The following ZNF804B variants were observed in gnomAD, a reference collection of about 807,000 sequenced individuals.
ZNF804B encodes zinc finger 804B.
In ZNF804B, 80 loss-of-function variants were observed where a neutral mutation model predicts 101.4. That is an observed-to-expected ratio of 0.79 (90% CI 0.66 to 0.95). ZNF804B has a LOEUF of 0.95. Among genes scored for constraint, ZNF804B ranks in the 40% least tolerant of loss-of-function variants. The probability of loss-of-function intolerance (pLI) is 0.00; values close to 1 mark genes in which losing one functional copy is unlikely to be tolerated. For synonymous variants in ZNF804B, 622 were observed against 558.8 expected, an observed-to-expected ratio of 1.11 and a Z score of -1.59; for missense variants, 1,673 against 1,561.9, an observed-to-expected ratio of 1.07 and a Z score of -1.20.
chr7:88,883,082 T>A (rs1292885191), intron 1 of ZNF804B, among the ~76,000 whole-genome samples: 1 of 151,962 alleles, frequency 6.6e-6, no homozygotes, highest in Non-Finnish European at 1.5e-5. Flanking sequence ...AAGAAAAAAA[T>A]TTTAAAAAAA....
rs1790890794 is a variant in ZNF804B, at chr7:88,817,034, A to G, written c.108+56950A>G. Reference sequence around the variant, plus strand: ...TAAGAAAATGTGGCACATATACACCATGGAATACTATGCAGCCATAAAAAA... The same window carrying G: ...TAAGAAAATGTGGCACATATACACCGTGGAATACTATGCAGCCATAAAAAA... On this transcript the variant is annotated intron_variant, in intron 1 of 3. Coordinates refer to ENST00000333190, the MANE Select transcript of ZNF804B (RefSeq NM_181646.5). Among the ~76,000 whole-genome samples, 3 of 152,130 alleles carry G rather than the reference A, an allele frequency of 2.0e-5. No homozygotes were observed. In the South Asian group the frequency reaches 6.2e-4, roughly 32 times the overall value.
At chr7:88,931,611 C>T (rs1386959123) in intron 1 of ZNF804B, among the ~76,000 whole-genome samples, 11 of 151,884 alleles carry the variant, frequency 7.2e-5, no homozygotes, top group African/African-American at 2.2e-4. Flanking sequence ...AACATCTTAA[C>T]GGCTCTGACT....
intron 1 of ZNF804B, among the ~76,000 whole-genome samples, chr7:89,166,281 C>A (rs7810631): frequency 0.2 from 31,065 of 152,102 alleles, 3,394 homozygotes; most frequent in Middle Eastern, 0.39. Context: ...GTTAGGGGCA[C>A]CAAACCCCTG....
At chr7:88,777,476 T>C (rs1790161353) in intron 1 of ZNF804B, among the ~76,000 whole-genome samples, 1 of 152,064 alleles carries the variant, frequency 6.6e-6, no homozygotes, top group Admixed American at 6.6e-5. Context: ...CAGAGTAAAG[T>C]TGAAAGAGTG....
intron 1 of ZNF804B, among the ~76,000 whole-genome samples, chr7:88,880,193 G>A (rs1792011694): frequency 6.6e-6 from 1 of 152,158 alleles, no homozygotes; most frequent in South Asian, 2.1e-4. Flanking sequence ...TGCTAGCAGA[G>A]TCAAGGGAAA....
intron 1 of ZNF804B, among the ~76,000 whole-genome samples, chr7:88,800,276 T>C: frequency 6.6e-6 from 1 of 151,722 alleles, no homozygotes; most frequent in East Asian, 1.9e-4. Flanking sequence ...AAAAAGACAT[T>C]CCCCCTCCAA....
At chr7:88,924,094 C>A (rs1226145969) in intron 1 of ZNF804B, among the ~76,000 whole-genome samples, 1 of 151,996 alleles carries the variant, frequency 6.6e-6, no homozygotes, top group African/African-American at 2.4e-5. Context: ...GTTTCTGGGT[C>A]AGAGGATGTA....
intron 1 of ZNF804B, among the ~76,000 whole-genome samples, chr7:88,873,299 A>C (rs369976135): frequency 4.6e-5 from 7 of 152,042 alleles, no homozygotes; most frequent in Non-Finnish European, 7.4e-5. Context: ...TGTCCTTTGC[A>C]CACTTTTTGA....
chr7:89,335,865 C>T lies in ZNF804B; in HGVS notation c.2883C>T (p.Val961=). Residue 961 remains valine, a synonymous_variant, in exon 4 of 4, where the codon GTC becomes GTT. Coordinates refer to ENST00000333190, the MANE Select transcript of ZNF804B (RefSeq NM_181646.5). ...CKSELEAPSQ[V]PCTIQLAPSG... ...GTGAATTAGAGGCTCCTTCGCAAGT[C>T]CCATGCACAATTCAACTTGCACCAT... is the stretch of plus-strand genomic sequence containing the variant. The T allele has an allele frequency of 1.2e-6, 2 of 1,614,064 alleles. No individual in the cohort carries two copies. The highest frequency in any genetic ancestry group is 1.7e-6 in the Non-Finnish European group (2 of 1,179,978).
intron 1 of ZNF804B, among the ~76,000 whole-genome samples, chr7:88,889,564 A>G (rs550082954): frequency 6.6e-6 from 1 of 152,044 alleles, no homozygotes; most frequent in African/African-American, 2.4e-5. Context: ...CATGTTTGTG[A>G]TGTTTGTTGG....
At chr7:88,928,494 G>A (rs1395438285) in intron 1 of ZNF804B, among the ~76,000 whole-genome samples, 9 of 152,068 alleles carry the variant, frequency 5.9e-5, no homozygotes, top group Admixed American at 5.9e-4. Flanking sequence ...CAAATACCCT[G>A]GGGTGAGAAA....
intron 1 of ZNF804B, among the ~76,000 whole-genome samples, chr7:89,122,394 C>T (rs556765460): frequency 6.6e-6 from 1 of 152,146 alleles, no homozygotes; most frequent in South Asian, 2.1e-4. Flanking sequence ...GAATTTATAT[C>T]GTCCAAAGAT....
At chr7:88,956,931 C>T (rs1793318403) in intron 1 of ZNF804B, among the ~76,000 whole-genome samples, 1 of 151,416 alleles carries the variant, frequency 6.6e-6, no homozygotes, top group African/African-American at 2.4e-5. Context: ...ATTCATGCTG[C>T]ATTAATTAGA....
At chr7:88,832,984 G>A (rs1272548649) in intron 1 of ZNF804B, among the ~76,000 whole-genome samples, 1 of 151,980 alleles carries the variant, frequency 6.6e-6, no homozygotes, top group Non-Finnish European at 1.5e-5. Context: ...ATACATCAGT[G>A]TCAGTGCAGT....
chr7:89,280,446 T>C (rs1269215314), intron 2 of ZNF804B, among the ~76,000 whole-genome samples: 1 of 151,958 alleles, frequency 6.6e-6, no homozygotes, highest in Non-Finnish European at 1.5e-5. Context: ...CAAAAAACCC[T>C]TCAAAAAATT....
At chr7:89,233,799 C>T (rs1200471869) in intron 2 of ZNF804B, among the ~76,000 whole-genome samples, 1 of 152,100 alleles carries the variant, frequency 6.6e-6, no homozygotes, top group Non-Finnish European at 1.5e-5. Flanking sequence ...CCACCATGCC[C>T]AGCTAATTTT....
At chr7:88,828,795 A>G (rs139616754) in intron 1 of ZNF804B, among the ~76,000 whole-genome samples, 1 of 152,174 alleles carries the variant, frequency 6.6e-6, no homozygotes, top group Non-Finnish European at 1.5e-5. Flanking sequence ...CTTTGAAACC[A>G]GAAGAGCTCT....
intron 1 of ZNF804B, among the ~76,000 whole-genome samples, chr7:89,154,723 T>TG (rs1312405050): frequency 6.6e-6 from 1 of 151,850 alleles, no homozygotes; most frequent in Non-Finnish European, 1.5e-5. Flanking sequence ...GGGAGAGTAA[T>TG]GGGGGGCTGG....
At chr7:88,894,345 C>T (rs1204858366) in intron 1 of ZNF804B, among the ~76,000 whole-genome samples, 1 of 151,886 alleles carries the variant, frequency 6.6e-6, no homozygotes, top group Non-Finnish European at 1.5e-5. Context: ...TCCCAAGTAG[C>T]TGGGATACAG....
Sources: gnomAD v4.1 joint callset for allele counts (sites outside exome capture counted in the v4.1 genomes callset) on GRCh38, gnomAD v4.1.1 for gene constraint, MANE v1.5 for transcripts, NCBI Gene and HGNC (gene_info 2026-07-23, HGNC 2026-07-21) for gene names.